ATOSA: variants seen among roughly 807,000 people sequenced by gnomAD.
The protein encoded by ATOSA is atos homolog protein A.
At chr15:52,672,604 G>A in the ATOSA span, among the ~76,000 whole-genome samples, 1 of 151,788 alleles carries the variant, frequency 6.6e-6, no homozygotes, top group African/African-American at 2.4e-5. Flanking sequence ...TAGATCCAAA[G>A]GCGAGAAAGG....
At chr15:52,699,126 A>G in the ATOSA span, among the ~76,000 whole-genome samples, 2 of 152,212 alleles carry the variant, frequency 1.3e-5, no homozygotes, top group Non-Finnish European at 2.9e-5. Flanking sequence ...TCGGACAAGT[A>G]AAAACCTAGG....
the ATOSA span, among the ~76,000 whole-genome samples, chr15:52,660,682 G>A: frequency 8.5e-5 from 13 of 152,138 alleles, no homozygotes; most frequent in East Asian, 2.5e-3. Context: ...ACAGAGTTTC[G>A]CTTTTTTTGC....
the ATOSA span, among the ~76,000 whole-genome samples, chr15:52,595,969 C>G: frequency 6.6e-6 from 1 of 151,896 alleles, no homozygotes; most frequent in Non-Finnish European, 1.5e-5. Context: ...AAAAAATTAG[C>G]TGGGTGTGGT....
the ATOSA span, chr15:52,656,693 G>A: frequency 3.3e-5 from 5 of 152,034 alleles, no homozygotes; most frequent in African/African-American, 1.2e-4. Flanking sequence ...TTATTTATAA[G>A]CTAAGCTACT....
chr15:52,698,055 C>A, the ATOSA span, among the ~76,000 whole-genome samples: 17 of 135,852 alleles, frequency 1.3e-4, 1 homozygote, highest in Admixed American at 1.5e-3. Context: ...CGGCTTACTG[C>A]AACCTCCACC....
At chr15:52,631,666 C>T in the ATOSA span, among the ~76,000 whole-genome samples, 7 of 152,110 alleles carry the variant, frequency 4.6e-5, no homozygotes, top group East Asian at 1.9e-4. Flanking sequence ...CAACATATCT[C>T]GAATTTAACA....
At chr15:52,609,423 A>C in the ATOSA span, 2 of 1,613,778 alleles carry the variant, frequency 1.2e-6, no homozygotes, top group South Asian at 2.2e-5. Flanking sequence ...ATGCTGTTGG[A>C]TCAATGTGCT....
chr15:52,589,135 A>G, the ATOSA span, among the ~76,000 whole-genome samples: 1 of 152,244 alleles, frequency 6.6e-6, no homozygotes, highest in African/African-American at 2.4e-5. Context: ...TATTTAAAGC[A>G]TGAAAAAAGC....
chr15:52,662,033 A>G, the ATOSA span, among the ~76,000 whole-genome samples: 2 of 152,118 alleles, frequency 1.3e-5, no homozygotes, highest in African/African-American at 4.8e-5. Context: ...ATCTCTTAAC[A>G]GATGAGGCAA....
chr15:52,655,658 A>G, the ATOSA span, among the ~76,000 whole-genome samples: 1 of 152,170 alleles, frequency 6.6e-6, no homozygotes, highest in African/African-American at 2.4e-5. Flanking sequence ...CAAAGTAGCA[A>G]TGTGCTACAC....
At chr15:52,673,504 G>A in the ATOSA span, among the ~76,000 whole-genome samples, 1 of 152,310 alleles carries the variant, frequency 6.6e-6, no homozygotes, top group East Asian at 1.9e-4. Context: ...GATGACAATA[G>A]CATCTATTTC....
At chr15:52,635,814 G>A in the ATOSA span, among the ~76,000 whole-genome samples, 16 of 151,742 alleles carry the variant, frequency 1.1e-4, 1 homozygote, top group Non-Finnish European at 2.2e-4. Context: ...TGGCCAACAC[G>A]GTGAAACCCC....
At chr15:52,601,256 CAT>C in the ATOSA span, 1 of 773,834 alleles carries the variant, frequency 1.3e-6, no homozygotes, top group South Asian at 1.8e-5. Flanking sequence ...GAAATTTAAG[CAT>C]ATCTTTGAAA....
At chr15:52,627,586 A>G in the ATOSA span, among the ~76,000 whole-genome samples, 4 of 152,190 alleles carry the variant, frequency 2.6e-5, no homozygotes, top group Middle Eastern at 3.2e-3. Context: ...AAGAATTCAC[A>G]TATTACAAGA....
chr15:52,630,998 C>G, the ATOSA span, among the ~76,000 whole-genome samples: 1,584 of 152,182 alleles, frequency 0.01, 28 homozygotes, highest in African/African-American at 0.036. Context: ...GAATTCAGAA[C>G]AGTGGATATT....
chr15:52,590,487 C>A, the ATOSA span, among the ~76,000 whole-genome samples: 720 of 152,262 alleles, frequency 4.7e-3, 8 homozygotes, highest in African/African-American at 0.017. Context: ...CTCTATACCA[C>A]AAAGATAGGA....
At chr15:52,665,722 C>T in the ATOSA span, among the ~76,000 whole-genome samples, 3 of 152,114 alleles carry the variant, frequency 2.0e-5, no homozygotes, top group Non-Finnish European at 4.4e-5. Context: ...CTAGCCAAAA[C>T]TTGAAGCTTA....
chr15:52,632,166 T>C, the ATOSA span, among the ~76,000 whole-genome samples: 1 of 152,218 alleles, frequency 6.6e-6, no homozygotes. Context: ...GAATTTTAGT[T>C]CATGATACTG....
At chr15:52,610,760 T>A in the ATOSA span, among the ~76,000 whole-genome samples, 1 of 152,258 alleles carries the variant, frequency 6.6e-6, no homozygotes, top group African/African-American at 2.4e-5. Context: ...GCCATCTGCC[T>A]AAAAAGCCAG....
Sources: allele counts gnomAD v4.1 joint callset (sites outside exome capture counted in the v4.1 genomes callset), GRCh38; gene constraint gnomAD v4.1.1; transcripts MANE v1.5; gene names NCBI Gene and HGNC (gene_info 2026-07-23, HGNC 2026-07-21).